PPP1R1C: variants seen among roughly 807,000 people sequenced by gnomAD.
The protein encoded by PPP1R1C is protein phosphatase 1 regulatory inhibitor subunit 1C, also known as protein phosphatase 1 regulatory subunit 1C.
In PPP1R1C, 15 loss-of-function variants were observed where a neutral mutation model predicts 17.4. The observed-to-expected ratio is 0.86, with a 90% CI of 0.58 to 1.33. PPP1R1C has a LOEUF of 1.33. Among genes scored for constraint, PPP1R1C ranks in the 40% most tolerant of loss-of-function variants. The pLI, the probability that PPP1R1C is intolerant of heterozygous loss-of-function variation, is 0.00. For missense variants in PPP1R1C, 143 were observed against 130.0 expected, an observed-to-expected ratio of 1.10 and a Z score of -0.48; for synonymous variants, 35 against 43.1, an observed-to-expected ratio of 0.81 and a Z score of 0.73.
chr2:182,092,945 G>T (rs1332692812), intron 4 of PPP1R1C, among the ~76,000 whole-genome samples: 3 of 152,150 alleles, frequency 2.0e-5, no homozygotes. Context: ...CCATTCTGGG[G>T]TCTGAAGGAC....
chr2:182,117,339 A>C lies in PPP1R1C; in HGVS notation c.*44A>C. 7.2e-7 allele frequency: 1 copy of C among 1,385,308 alleles called. No individual in the cohort carries two copies. Among genetic ancestry groups the C allele is most frequent in the Non-Finnish European group, 9.9e-7 (1 of 1,006,446 alleles). The allele number at this position is 1,385,308 out of a possible 1,614,324, so 85.8% of individuals were successfully genotyped here. Reference sequence around the variant, plus strand: ...AAGGCTTCTTGGAAATAACTGAACTATTAACTTTTCTGAGTATACCATGGA... The same window carrying C: ...AAGGCTTCTTGGAAATAACTGAACTCTTAACTTTTCTGAGTATACCATGGA... On this transcript the variant is annotated 3_prime_UTR_variant, in exon 5 of 5. Coordinates refer to ENST00000682840, the MANE Select transcript of PPP1R1C (RefSeq NM_001080545.3).
chr2:182,046,132 C>CCTTCCTT (rs1687340386), intron 2 of PPP1R1C, among the ~76,000 whole-genome samples: 1 of 87,434 alleles, frequency 1.1e-5, no homozygotes, highest in Admixed American at 1.1e-4. Context: ...TTCCTTCCTT[C>CCTTCCTT]CTTCCTTCTT....
chr2:182,049,941 A>G lies in PPP1R1C; in HGVS notation c.143-11501A>G, dbSNP rs145990944. On this transcript the variant is annotated intron_variant, in intron 2 of 4. Transcript: ENST00000682840. ...TTCAATTTTATCACTCTAGTATTACACAATTGCCAAAATATCTTGTGGATT... is the reference window on the plus strand; with the variant it reads ...TTCAATTTTATCACTCTAGTATTACGCAATTGCCAAAATATCTTGTGGATT... 1.4e-3 allele frequency among the ~76,000 whole-genome samples: 210 copies of G among 152,324 alleles called. 1 individual carries two copies. Among genetic ancestry groups the G allele is most frequent in the Admixed American group, 3.5e-3 (54 of 15,284 alleles).
chr2:182,010,123 A>G (rs1441793732), intron 2 of PPP1R1C, among the ~76,000 whole-genome samples: 1 of 117,874 alleles, frequency 8.5e-6, no homozygotes, highest in Admixed American at 1.0e-4. Context: ...ATTCCTGTAA[A>G]TTTTAGGATA....
chr2:181,985,995 A>T lies in PPP1R1C; in HGVS notation c.-116A>T. The T allele has an allele frequency of 1.3e-6, 1 of 789,236 alleles. No individual in the cohort carries two copies. The highest frequency in any genetic ancestry group is 2.2e-6 in the Non-Finnish European group (1 of 457,724). 48.9% of individuals were successfully genotyped at this position (789,236 alleles called of 1,614,324 possible). A position where few individuals can be genotyped will look rare whatever the true frequency, so the allele number is the denominator to read the frequency against. ...GCTCGATCTGGAATTACAGCTATTT[A>T]TTACGAAGCACTCTGTGTGGCTTAG... is the stretch of plus-strand genomic sequence containing the variant. On this transcript the variant is annotated 5_prime_UTR_variant, in exon 1 of 5. Coordinates refer to ENST00000682840, the MANE Select transcript of PPP1R1C (RefSeq NM_001080545.3). This position sits in a 1 kb window ranked among gnomAD's most constrained non-coding sequence, Gnocchi z 4.1.
chr2:182,081,894 T>C (rs538363224), intron 4 of PPP1R1C, among the ~76,000 whole-genome samples: 1 of 152,298 alleles, frequency 6.6e-6, no homozygotes, highest in East Asian at 1.9e-4. Flanking sequence ...TAAAAAGTCA[T>C]AAATATCAGG....
Position 181,967,459 on chromosome 2 carries a change from T to G in PPP1R1C, n.112-7760T>G, listed in dbSNP as rs1684925045. Among the ~76,000 whole-genome samples the G allele has an allele frequency of 6.6e-6, 1 of 152,136 alleles. No individual in the cohort carries two copies. Among genetic ancestry groups the G allele is most frequent in the South Asian group, 2.1e-4 (1 of 4,830 alleles). On this transcript the variant is annotated intron_variant and non_coding_transcript_variant, in intron 1 of 5. Transcript: ENST00000464264. This position sits in a 1 kb window ranked among gnomAD's most constrained non-coding sequence, Gnocchi z 5.5. ...GCTATAAACTTTCTTCTTAGTACTG[T>G]TTTTGCTGTATCCTACAGGTTTTGG...
intron 4 of PPP1R1C, among the ~76,000 whole-genome samples, chr2:182,066,925 A>G (rs1449723857): frequency 6.7e-6 from 1 of 149,534 alleles, no homozygotes; most frequent in Non-Finnish European, 1.5e-5. Flanking sequence ...TGGCTGACTC[A>G]TTTCTATCCC....
intron 4 of PPP1R1C, among the ~76,000 whole-genome samples, chr2:182,067,505 A>C (rs1196166): frequency 0.94 from 143,744 of 152,166 alleles, 67,974 homozygotes; most frequent in Non-Finnish European, 0.97. Flanking sequence ...AGATCACCAA[A>C]TGAAACATGA....
chr2:182,018,409 G>C (rs1686321560), intron 2 of PPP1R1C, among the ~76,000 whole-genome samples: 1 of 152,198 alleles, frequency 6.6e-6, no homozygotes, highest in Non-Finnish European at 1.5e-5. Flanking sequence ...GTTTGGAAGA[G>C]TGAGAACTCT....
chr2:182,079,147 T>C (rs1197245458), intron 4 of PPP1R1C, among the ~76,000 whole-genome samples: 1 of 152,202 alleles, frequency 6.6e-6, no homozygotes, highest in Non-Finnish European at 1.5e-5. Flanking sequence ...ATGTAAACAC[T>C]ATATTCTGAT....
At chr2:182,106,417 C>G (rs1689252384) in intron 4 of PPP1R1C, among the ~76,000 whole-genome samples, 1 of 152,190 alleles carries the variant, frequency 6.6e-6, no homozygotes. Flanking sequence ...CAGACGCTGT[C>G]AGGACATCGA....
At chr2:182,097,409 G>A (rs1451725819) in intron 4 of PPP1R1C, among the ~76,000 whole-genome samples, 2 of 152,076 alleles carry the variant, frequency 1.3e-5, no homozygotes, top group Admixed American at 6.5e-5. Flanking sequence ...CATAAGTATT[G>A]GGAATCGCTT....
intron 2 of PPP1R1C, among the ~76,000 whole-genome samples, chr2:182,038,354 A>G (rs1011185667): frequency 1.3e-5 from 2 of 152,180 alleles, no homozygotes; most frequent in African/African-American, 4.8e-5. Context: ...CATAATTTTT[A>G]AACTAACTAT....
At chr2:182,061,387 A>G (rs1159623071) in intron 2 of PPP1R1C, 55 bp from the exon 3 acceptor site, 8 of 1,125,112 alleles carry the variant, frequency 7.1e-6, no homozygotes, top group Non-Finnish European at 7.5e-6. Flanking sequence ...GTTAATATAT[A>G]TATTACAAGA....
chr2:182,115,324 TTAA>T (rs1689552156), intron 4 of PPP1R1C, among the ~76,000 whole-genome samples: 1 of 152,176 alleles, frequency 6.6e-6, no homozygotes, highest in South Asian at 2.1e-4. Context: ...TCAGTGTCTC[TTAA>T]TAATGGAACT....
intron 2 of PPP1R1C, among the ~76,000 whole-genome samples, chr2:181,994,963 G>GC: frequency 6.6e-6 from 1 of 152,172 alleles, no homozygotes; most frequent in Admixed American, 6.5e-5. Context: ...TACTAGTAGA[G>GC]TAGATGTTAA....
In PPP1R1C at chr2:182,076,193, TTTTC is replaced by T. The variant is rs1559082856; in HGVS notation, c.241+12406_241+12409del. ...CAAGGATTTTGAACTTTTTTTTTTC[TTTTC>T]TTTTTTTTTTTTTTTTTTTTTTTTT... On this transcript the variant is annotated intron_variant, in intron 4 of 4. Transcript: ENST00000682840. Among the ~76,000 whole-genome samples, 94 of 97,992 alleles carry T rather than the reference TTTTC, an allele frequency of 9.6e-4. 8 individuals are homozygous for T. Among genetic ancestry groups the T allele is most frequent in the Middle Eastern group, 4.6e-3 (1 of 216 alleles). The allele number at this position is 97,992 out of a possible 152,430, so 64.3% of individuals were successfully genotyped here. A position where few individuals can be genotyped will look rare whatever the true frequency, so the allele number is the denominator to read the frequency against.
chr2:182,034,679 A>G (rs1335357381), intron 2 of PPP1R1C, among the ~76,000 whole-genome samples: 1 of 152,250 alleles, frequency 6.6e-6, no homozygotes, highest in Admixed American at 6.5e-5. Context: ...AGTTGGAAGG[A>G]TGTTAAGTCA....
Sources: allele counts gnomAD v4.1 joint callset (sites outside exome capture counted in the v4.1 genomes callset), GRCh38; gene constraint gnomAD v4.1.1; non-coding constraint Gnocchi (gnomAD v3.1); transcripts MANE v1.5; gene names NCBI Gene and HGNC (gene_info 2026-07-23, HGNC 2026-07-21).